NRXN3: variants seen among roughly 807,000 people sequenced by gnomAD.
The protein encoded by NRXN3 is neurexin III.
In NRXN3, 32 loss-of-function variants were observed where a neutral mutation model predicts 137.6. That is an observed-to-expected ratio of 0.23 (90% CI 0.18 to 0.31). The LOEUF (loss-of-function observed/expected upper bound fraction) is 0.31. Ranked by LOEUF, NRXN3 falls within the 10% of genes least tolerant of loss-of-function variation. The pLI is 1.00. For synonymous variants in NRXN3, 798 were observed against 784.5 expected (o/e 1.02, Z -0.29); for missense variants, 1,574 against 2,062.5 (o/e 0.76, Z 4.59).
rs980839870 is a variant in NRXN3 at position 79,153,527 on chromosome 14, G to A, written c.3262+165386G>A. ...GCTTAATATGTCAGTGAGCCCACAA[G>A]TTTCTTGTCCTGGGCCCTTTAAACT... On this transcript the variant is annotated intron_variant, in intron 15 of 20. Transcript: ENST00000335750. Among the ~76,000 whole-genome samples, 9 of 152,014 alleles carry A rather than the reference G, an allele frequency of 5.9e-5. No homozygotes were observed. The South Asian group carries it at 1.5e-3, about 25-fold the overall frequency.
At chr14:78,767,610 G>A (rs2098713214) in intron 8 of NRXN3, among the ~76,000 whole-genome samples, 1 of 152,240 alleles carries the variant, frequency 6.6e-6, no homozygotes, top group African/African-American at 2.4e-5. Flanking sequence ...TTCCAAAGAA[G>A]TCAGAGTTGT....
intron 1 of NRXN3, among the ~76,000 whole-genome samples, chr14:78,172,868 T>C (rs1166448840): frequency 6.6e-6 from 1 of 152,188 alleles, no homozygotes; most frequent in Non-Finnish European, 1.5e-5. Flanking sequence ...ACGTCTTTGC[T>C]TCTCTGGTAG....
intron 16 of NRXN3, among the ~76,000 whole-genome samples, chr14:79,490,731 GA>G (rs1567271737): frequency 6.6e-6 from 1 of 152,014 alleles, no homozygotes; most frequent in African/African-American, 2.4e-5. Context: ...AAAATAGAAG[GA>G]ATGAATAAAA....
Position 79,856,807 on chromosome 14 carries a change from C to T in NRXN3, c.4094-4535C>T, listed in dbSNP as rs1466552445. On this transcript the variant is annotated intron_variant, in intron 20 of 20. Transcript: ENST00000335750. ...AAATACACTCATAAAGCAAAAAAGCCGGGAAGCCTTCAGGGCTAAAATAGA... is the reference window on the plus strand; with the variant it reads ...AAATACACTCATAAAGCAAAAAAGCTGGGAAGCCTTCAGGGCTAAAATAGA... Among the ~76,000 whole-genome samples, 16 of 151,946 alleles carry T rather than the reference C, an allele frequency of 1.1e-4. 1 individual carries two copies. The highest frequency in any genetic ancestry group is 6.2e-4 in the South Asian group (3 of 4,818).
chr14:79,628,234 C>A (rs2098303491), intron 16 of NRXN3, among the ~76,000 whole-genome samples: 1 of 152,120 alleles, frequency 6.6e-6, no homozygotes, highest in Non-Finnish European at 1.5e-5. Flanking sequence ...CATCATCCTC[C>A]TCCCTCCTTC....
chr14:78,392,875 T>C (rs1443545173), intron 4 of NRXN3, among the ~76,000 whole-genome samples: 1 of 152,154 alleles, frequency 6.6e-6, no homozygotes, highest in African/African-American at 2.4e-5. Context: ...GGTACTAGCT[T>C]CCTTTTGCAG....
At chr14:79,437,587 T>A (rs1410870632) in intron 15 of NRXN3, among the ~76,000 whole-genome samples, 1 of 152,076 alleles carries the variant, frequency 6.6e-6, no homozygotes, top group East Asian at 1.9e-4. Flanking sequence ...GTCTCTAGGG[T>A]AGTAGAAAAG....
chr14:78,445,697 G>A (rs886254114), intron 4 of NRXN3, among the ~76,000 whole-genome samples: 1 of 152,142 alleles, frequency 6.6e-6, no homozygotes, highest in African/African-American at 2.4e-5. Context: ...ACCAACTATT[G>A]TTCACTGTGA....
intron 16 of NRXN3, among the ~76,000 whole-genome samples, chr14:79,637,859 A>G (rs917868738): frequency 6.6e-6 from 1 of 150,396 alleles, no homozygotes; most frequent in East Asian, 2.0e-4. Context: ...CCTCTTGAGT[A>G]TCTGGGATTA....
At chr14:78,947,120 G>A (rs926809681) in intron 10 of NRXN3, among the ~76,000 whole-genome samples, 2 of 152,158 alleles carry the variant, frequency 1.3e-5, no homozygotes, top group Non-Finnish European at 2.9e-5. Flanking sequence ...GGGTCTTGCA[G>A]TTGCATACAC....
intron 4 of NRXN3, among the ~76,000 whole-genome samples, chr14:78,445,596 G>A (rs746806464): frequency 6.6e-6 from 1 of 152,166 alleles, no homozygotes; most frequent in Non-Finnish European, 1.5e-5. Context: ...AGTGCCTTGA[G>A]CACAGCTTTA....
At chr14:78,523,816 C>CAAAAAAAAAAAAAAAAAAAAAAAAA (rs56083130) in intron 4 of NRXN3, among the ~76,000 whole-genome samples, 8 of 61,574 alleles carry the variant, frequency 1.3e-4, no homozygotes, top group Admixed American at 1.7e-4. Flanking sequence ...GACTCTGTCT[C>CAAAAAAAAAAAAAAAAAAAAAAAAA]AAAAAAAAAA....
At chr14:78,750,313 T>A (rs2098634925) in intron 8 of NRXN3, among the ~76,000 whole-genome samples, 1 of 152,160 alleles carries the variant, frequency 6.6e-6, no homozygotes, top group Non-Finnish European at 1.5e-5. Flanking sequence ...GGTTCATGAA[T>A]GACAAAACTT....
At position 79,276,709 on chromosome 14, in the gene NRXN3, T is replaced by TA. The variant is rs757712972; in HGVS notation, c.3263-190494dup. 7.2e-3 allele frequency among the ~76,000 whole-genome samples: 884 copies of TA among 122,010 alleles called. 7 individuals carry two copies. The highest frequency in any genetic ancestry group is 8.9e-3 in the Non-Finnish European group (501 of 56,194). 80.0% of individuals were successfully genotyped at this position (122,010 alleles called of 152,430 possible). On this transcript the variant is annotated intron_variant, in intron 15 of 20. Coordinates refer to ENST00000335750, the MANE Select transcript of NRXN3 (RefSeq NM_001330195.2). ...GCAGTCTCCAATGCTCAATGCCAAT[T>TA]AAAAAAAAAAAAAAAAAAGAAAAAC...
In NRXN3 at chr14:78,888,848, T is replaced by TACACACACATACACACACACAC. The variant is rs138583318; in HGVS notation, c.2276-68385_2276-68384insTACACACACACACACACACACA. ...CTAGTTGGGAGAGTAATCACACACA[T>TACACACACATACACACACACAC]ACACACACACACACACACACACACC... On this transcript the variant is annotated intron_variant, in intron 10 of 20. Transcript: ENST00000335750. 4.2e-4 allele frequency among the ~76,000 whole-genome samples: 62 copies of TACACACACATACACACACACAC among 146,420 alleles called. No homozygotes were observed. In the South Asian group the frequency reaches 7.3e-3, roughly 17 times the overall value.
chr14:79,629,844 CGT>C (rs746313928), intron 16 of NRXN3, among the ~76,000 whole-genome samples: 3 of 113,392 alleles, frequency 2.6e-5, no homozygotes, highest in South Asian at 2.6e-4. Flanking sequence ...TGTGTGTGTG[CGT>C]GTGTGTGTGT....
intron 10 of NRXN3, among the ~76,000 whole-genome samples, chr14:78,927,833 G>A (rs2099310190): frequency 6.6e-6 from 1 of 152,220 alleles, no homozygotes; most frequent in East Asian, 1.9e-4. Flanking sequence ...AGTCGTTAAG[G>A]CACCATGGTT....
At chr14:78,785,801 T>C (rs754420104) in intron 8 of NRXN3, among the ~76,000 whole-genome samples, 6 of 152,172 alleles carry the variant, frequency 3.9e-5, no homozygotes, top group Non-Finnish European at 7.3e-5. Flanking sequence ...GGCCATAGCA[T>C]GTACCTCCAT....
At chr14:79,804,901 C>A (rs1009951171) in intron 19 of NRXN3, among the ~76,000 whole-genome samples, 1 of 152,052 alleles carries the variant, frequency 6.6e-6, no homozygotes, top group Non-Finnish European at 1.5e-5. Context: ...TACGGAAGAC[C>A]CCCCTAAGAC....
Sources: allele counts gnomAD v4.1 joint callset (sites outside exome capture counted in the v4.1 genomes callset), GRCh38; gene constraint gnomAD v4.1.1; transcripts MANE v1.5; gene names NCBI Gene and HGNC (gene_info 2026-07-23, HGNC 2026-07-21).